Variants in IFT52 observed in about 807,000 individuals in gnomAD.
The protein encoded by IFT52 is intraflagellar transport protein 52 homolog.
Under a neutral mutation model 54.4 loss-of-function variants are expected in IFT52, and 44 were observed. That is an observed-to-expected ratio of 0.81 (90% CI 0.63 to 1.04). The LOEUF (loss-of-function observed/expected upper bound fraction) is 1.04, where lower values mean the gene tolerates loss of function less well. IFT52 is among the 50% of genes least tolerant of loss of function. The pLI is 0.00. For missense variants in IFT52, 452 were observed against 523.6 expected (o/e 0.86, Z 1.33); for synonymous variants, 181 against 185.3 (o/e 0.98, Z 0.19).
At chr20:43,640,155 C>A (rs1437297481) in intron 12 of IFT52, among the ~76,000 whole-genome samples, 5 of 152,070 alleles carry the variant, frequency 3.3e-5, no homozygotes, top group African/African-American at 1.2e-4. Context: ...CAGAGCGAGA[C>A]CCTGTCTCAG....
At chr20:43,629,664 A>G (rs1473773027) in intron 10 of IFT52, among the ~76,000 whole-genome samples, 1 of 152,206 alleles carries the variant, frequency 6.6e-6, no homozygotes, top group Non-Finnish European at 1.5e-5. Context: ...TCTGAAAAGT[A>G]GAGAATAGCT....
rs982474979 is a variant in IFT52, at chr20:43,642,475, T to C, written c.1121-4T>C. 6.2e-7 allele frequency: 1 copy of C among 1,613,770 alleles called. No homozygotes were observed. The highest frequency in any genetic ancestry group is 1.7e-5 in the Admixed American group (1 of 59,988). On this transcript the variant is annotated splice_region_variant and splice_polypyrimidine_tract_variant and intron_variant, in intron 12 of 13. Coordinates refer to ENST00000373030, the MANE Select transcript of IFT52 (RefSeq NM_016004.5). ...TAATCTAACTACTACTCCAACTGTC[T>C]TAGGTACTGAAGAAGACCTGGAATT...
chr20:43,623,471 G>T (rs1255879809), intron 9 of IFT52, among the ~76,000 whole-genome samples: 1 of 152,182 alleles, frequency 6.6e-6, no homozygotes, highest in African/African-American at 2.4e-5. Flanking sequence ...GTGAGCCACT[G>T]CACCCAGCTG....
chr20:43,620,674 A>G (rs569542340), intron 8 of IFT52, among the ~76,000 whole-genome samples, 183 bp from the exon 9 acceptor site: 2 of 152,326 alleles, frequency 1.3e-5, no homozygotes, highest in Admixed American at 6.5e-5. Flanking sequence ...AAGGTGCATT[A>G]GGGTGAAGAA....
At chr20:43,612,285 T>A (rs914708729) in intron 6 of IFT52, among the ~76,000 whole-genome samples, 23 of 151,856 alleles carry the variant, frequency 1.5e-4, no homozygotes, top group Non-Finnish European at 2.8e-4. Flanking sequence ...ACTGCTGGAG[T>A]AAGGGTAGAA....
At chr20:43,637,025 T>C (rs1985582541) in intron 11 of IFT52, 120 bp from the exon 12 acceptor site, 6 of 655,730 alleles carry the variant, frequency 9.2e-6, no homozygotes, top group Non-Finnish European at 1.6e-5. Context: ...GTGAACTTCC[T>C]TATTCTCCTT....
At chr20:43,626,992 C>T (rs1600498533) in intron 10 of IFT52, among the ~76,000 whole-genome samples, 2 of 151,926 alleles carry the variant, frequency 1.3e-5, no homozygotes, top group Admixed American at 6.6e-5. Flanking sequence ...TGGTGAAACC[C>T]CATCTCTACT....
At chr20:43,640,768 G>A (rs1985855329) in intron 12 of IFT52, among the ~76,000 whole-genome samples, 1 of 152,164 alleles carries the variant, frequency 6.6e-6, no homozygotes, top group South Asian at 2.1e-4. Flanking sequence ...GGGCTCAGTG[G>A]CTCATGCCTA....
chr20:43,603,630 A>G, intron 3 of IFT52, 130 bp from the exon 4 acceptor site: 1 of 778,624 alleles, frequency 1.3e-6, no homozygotes, highest in East Asian at 2.8e-5. Flanking sequence ...TTTTTATCTT[A>G]TATACATTTA....
At chr20:43,602,906 C>T (rs532363324) in intron 3 of IFT52, among the ~76,000 whole-genome samples, 1 of 152,226 alleles carries the variant, frequency 6.6e-6, no homozygotes, top group Admixed American at 6.6e-5. Context: ...TGTGATGAAT[C>T]AGTGGGGTGC....
In IFT52 at chr20:43,637,142, T is replaced by C. The variant is rs372900176; in HGVS notation, c.1012-3T>C. 1.7e-4 allele frequency: 267 copies of C among 1,585,036 alleles called. No homozygotes were observed. The highest frequency in any genetic ancestry group is 2.2e-4 in the Non-Finnish European group (256 of 1,154,052). ...TCTAAATAATGACTTTATTTCCTTT[T>C]AGGTTTTTCCTCCCAGTTTCCGGGA... On this transcript the variant is annotated splice_polypyrimidine_tract_variant and splice_region_variant and intron_variant, in intron 11 of 13. Transcript: ENST00000373030.
chr20:43,628,640 C>T (rs1436910730), intron 10 of IFT52, among the ~76,000 whole-genome samples: 1 of 152,124 alleles, frequency 6.6e-6, no homozygotes, highest in Non-Finnish European at 1.5e-5. Context: ...ATCACGAGGT[C>T]AGGAGTTTGA....
chr20:43,592,644 C>CA (rs1000850011), intron 1 of IFT52, among the ~76,000 whole-genome samples: 2 of 151,410 alleles, frequency 1.3e-5, no homozygotes, highest in East Asian at 1.9e-4. Flanking sequence ...CTTAGAATGA[C>CA]AAAAAACTCT....
chr20:43,627,068 A>G (rs1000159194), intron 10 of IFT52, among the ~76,000 whole-genome samples: 11 of 151,916 alleles, frequency 7.2e-5, no homozygotes, highest in African/African-American at 2.7e-4. Flanking sequence ...TCGGGAGGGT[A>G]AGGCAGGAGA....
At chr20:43,605,191 G>A (rs746556797) in intron 6 of IFT52, 118 bp downstream of exon 6, 20 of 1,484,362 alleles carry the variant, frequency 1.3e-5, no homozygotes, top group Non-Finnish European at 1.8e-5. Flanking sequence ...AACAGTTCAA[G>A]AGGAAAAAAG....
intron 12 of IFT52, among the ~76,000 whole-genome samples, chr20:43,641,871 G>A (rs915720967): frequency 3.3e-5 from 5 of 151,448 alleles, no homozygotes; most frequent in Non-Finnish European, 5.9e-5. Flanking sequence ...TCTGTTCACT[G>A]CAACCTCCAT....
intron 8 of IFT52, among the ~76,000 whole-genome samples, chr20:43,620,144 T>A (rs964626403): frequency 2.0e-5 from 3 of 151,940 alleles, no homozygotes; most frequent in Non-Finnish European, 4.4e-5. Context: ...CTCGAACTCC[T>A]GACTTCAGGT....
intron 6 of IFT52, among the ~76,000 whole-genome samples, chr20:43,606,142 A>C (rs1010852231): frequency 7.9e-5 from 12 of 151,644 alleles, no homozygotes; most frequent in African/African-American, 2.7e-4. Context: ...AATCACTTGA[A>C]CCTGGGAGGT....
At chr20:43,591,984 A>G (rs1305484669) in intron 1 of IFT52, among the ~76,000 whole-genome samples, 1 of 152,254 alleles carries the variant, frequency 6.6e-6, no homozygotes, top group African/African-American at 2.4e-5. Context: ...TTTATTATAT[A>G]GGCGAGGTGG....
Sources: allele counts gnomAD v4.1 joint callset (sites outside exome capture counted in the v4.1 genomes callset), GRCh38; gene constraint gnomAD v4.1.1; transcripts MANE v1.5; gene names NCBI Gene and HGNC (gene_info 2026-07-23, HGNC 2026-07-21).